Variants in LSAMP observed in about 807,000 individuals in gnomAD.
LSAMP encodes limbic system associated membrane protein, also known as limbic system-associated membrane protein.
In LSAMP, 7 loss-of-function variants were observed where a neutral mutation model predicts 38.6. That is an observed-to-expected ratio of 0.18 (90% confidence interval 0.10 to 0.34). The LOEUF is 0.34. LSAMP is among the 10% of genes least tolerant of loss of function. The probability of loss-of-function intolerance (pLI) is 1.00; values close to 1 mark genes in which losing one functional copy is unlikely to be tolerated. For synonymous variants in LSAMP, 154 were observed against 166.8 expected (o/e 0.92, Z 0.59); for missense variants, 313 against 420.0 (o/e 0.75, Z 2.23).
At chr3:115,877,943 G>A (rs556134439) in intron 3 of LSAMP, among the ~76,000 whole-genome samples, 38 of 145,082 alleles carry the variant, frequency 2.6e-4, no homozygotes, top group Non-Finnish European at 4.6e-4. Context: ...GTAGCAATAA[G>A]CACAGTAACC....
At chr3:116,103,464 C>CA (rs59732794) in intron 1 of LSAMP, among the ~76,000 whole-genome samples, 2,590 of 41,628 alleles carry the variant, frequency 0.062, 123 homozygotes, top group African/African-American at 0.094. Flanking sequence ...GACTCCTTCT[C>CA]AAAAAAAAAA....
At chr3:116,176,655 A>T (rs1710350432) in intron 1 of LSAMP, among the ~76,000 whole-genome samples, 1 of 152,170 alleles carries the variant, frequency 6.6e-6, no homozygotes, top group African/African-American at 2.4e-5. Context: ...TGTTTGTTTA[A>T]ACTAGTTGTT....
At chr3:116,125,534 C>T (rs979010108) in intron 1 of LSAMP, among the ~76,000 whole-genome samples, 11 of 152,062 alleles carry the variant, frequency 7.2e-5, no homozygotes, top group Non-Finnish European at 1.0e-4. Flanking sequence ...TTTTCCAACA[C>T]TCTCTCAACT....
At chr3:115,869,510 G>T (rs1935964836) in intron 3 of LSAMP, among the ~76,000 whole-genome samples, 1 of 152,048 alleles carries the variant, frequency 6.6e-6, no homozygotes, top group Admixed American at 6.6e-5. Flanking sequence ...CACTATCTGG[G>T]AAACTATCAT....
intron 1 of LSAMP, among the ~76,000 whole-genome samples, chr3:116,142,994 A>G (rs1447647724): frequency 1.3e-5 from 2 of 149,674 alleles, no homozygotes; most frequent in African/African-American, 4.9e-5. Context: ...ATGTAGTTAT[A>G]TACAATATAA....
rs545349814 is a variant in LSAMP at position 115,819,227 on chromosome 3, C to T, written c.920-8813G>A. On this transcript the variant is annotated intron_variant, in intron 6 of 6. Coordinates refer to ENST00000490035, the MANE Select transcript of LSAMP (RefSeq NM_002338.5). ...TTGGGAGGCCGAGGTGGGCAGATCA[C>T]GAAGTCAGGAGTTCGACCAACACAG... Among the ~76,000 whole-genome samples, 36 of 152,026 alleles carry T rather than the reference C, an allele frequency of 2.4e-4. 2 individuals are homozygous for T. The highest frequency in any genetic ancestry group is 7.2e-4 in the African/African-American group (30 of 41,484).
chr3:116,411,638 AG>A (rs1437867618), intron 1 of LSAMP, among the ~76,000 whole-genome samples: 2 of 56,598 alleles, frequency 3.5e-5, no homozygotes, highest in African/African-American at 7.4e-5. Flanking sequence ...GGGTGGGGGG[AG>A]GGGGGAGGGA....
At chr3:116,243,700 T>C (rs1412715478) in intron 1 of LSAMP, among the ~76,000 whole-genome samples, 1 of 152,192 alleles carries the variant, frequency 6.6e-6, no homozygotes, top group African/African-American at 2.4e-5. Flanking sequence ...AAGGTATCTG[T>C]GCAGCTATCA....
chr3:115,855,794 C>T (rs541787886), intron 3 of LSAMP, among the ~76,000 whole-genome samples: 3 of 152,288 alleles, frequency 2.0e-5, no homozygotes, highest in East Asian at 3.9e-4. Flanking sequence ...CTTTTATTCT[C>T]TCAACCTTAA....
chr3:116,381,783 T>C (rs941744927), intron 1 of LSAMP, among the ~76,000 whole-genome samples: 4 of 152,074 alleles, frequency 2.6e-5, no homozygotes, highest in African/African-American at 7.2e-5. Context: ...ATGTGGACTT[T>C]ACTTATCTGG....
At chr3:116,294,521 A>G (rs2047304285) in intron 1 of LSAMP, among the ~76,000 whole-genome samples, 1 of 152,192 alleles carries the variant, frequency 6.6e-6, no homozygotes, top group Non-Finnish European at 1.5e-5. Flanking sequence ...CTTATAATAA[A>G]GAACAAAGAT....
At chr3:116,276,370 A>AAAT (rs2047051592) in intron 1 of LSAMP, among the ~76,000 whole-genome samples, 1 of 152,218 alleles carries the variant, frequency 6.6e-6, no homozygotes, top group African/African-American at 2.4e-5. Context: ...TTTAAGCTGG[A>AAAT]AATAAATATA....
intron 2 of LSAMP, among the ~76,000 whole-genome samples, chr3:116,085,814 C>A (rs367596517): frequency 2.0e-5 from 3 of 152,120 alleles, no homozygotes; most frequent in Non-Finnish European, 4.4e-5. Context: ...GAGATACAAA[C>A]TACATAGAAA....
chr3:116,234,144 C>T (rs754304542), intron 1 of LSAMP, among the ~76,000 whole-genome samples: 1 of 152,226 alleles, frequency 6.6e-6, no homozygotes, highest in Non-Finnish European at 1.5e-5. Flanking sequence ...TATGCATACT[C>T]TTCCTGTGAT....
chr3:116,104,541 C>T (rs1231673214), intron 1 of LSAMP, among the ~76,000 whole-genome samples: 2 of 152,094 alleles, frequency 1.3e-5, no homozygotes, highest in Non-Finnish European at 2.9e-5. Flanking sequence ...CAACCTTGCA[C>T]CAAATATTAA....
intron 3 of LSAMP, among the ~76,000 whole-genome samples, chr3:115,928,894 C>T (rs566368963): frequency 1.6e-4 from 24 of 150,666 alleles, no homozygotes; most frequent in African/African-American, 4.2e-4. Flanking sequence ...GGAAGAAGAC[C>T]AGTTTCATAA....
chr3:116,086,751 T>C (rs76101993), intron 1 of LSAMP, among the ~76,000 whole-genome samples, 195 bp from the exon 2 acceptor site: 3 of 152,334 alleles, frequency 2.0e-5, no homozygotes, highest in Non-Finnish European at 1.5e-5. Context: ...TGGATGGATG[T>C]CATTATATTA....
intron 3 of LSAMP, among the ~76,000 whole-genome samples, chr3:115,964,452 G>A (rs1474853775): frequency 2.0e-5 from 3 of 152,096 alleles, no homozygotes; most frequent in Non-Finnish European, 4.4e-5. Context: ...ACTCTCAATG[G>A]TGAAGTGTTA....
At chr3:116,174,355 G>C (rs1334738696) in intron 1 of LSAMP, among the ~76,000 whole-genome samples, 1 of 151,938 alleles carries the variant, frequency 6.6e-6, no homozygotes, top group East Asian at 1.9e-4. Context: ...AGGGTAATAA[G>C]TAATAGCTGT....
Sources: gnomAD v4.1 joint callset for allele counts (sites outside exome capture counted in the v4.1 genomes callset) on GRCh38, gnomAD v4.1.1 for gene constraint, MANE v1.5 for transcripts, NCBI Gene and HGNC (gene_info 2026-07-23, HGNC 2026-07-21) for gene names.